ACOT7: variants seen among roughly 807,000 people sequenced by gnomAD.
The protein encoded by ACOT7 is acyl-CoA thioesterase 7, also known as cytosolic acyl coenzyme A thioester hydrolase.
ACOT7 carries 12 observed loss-of-function variants against 40.2 expected under a neutral mutation model. The ratio of observed to expected loss-of-function variants is 0.30; its 90% CI spans 0.19 to 0.48. ACOT7 has a LOEUF of 0.48. ACOT7 is among the 20% of genes least tolerant of loss of function. ACOT7 has a pLI of 0.99. For synonymous variants in ACOT7, 228 were observed against 219.5 expected (o/e 1.04, Z -0.34); for missense variants, 395 against 530.8 (o/e 0.74, Z 2.51).
chr1:6,324,860 C>T (rs926322879), intron 5 of ACOT7, among the ~76,000 whole-genome samples: 27 of 152,296 alleles, frequency 1.8e-4, no homozygotes, highest in African/African-American at 6.5e-4. Context: ...ATATAAGGTC[C>T]CATTCACAGG....
Position 6,324,294 on chromosome 1 carries a change from G to A in ACOT7, c.625+3005C>T, listed in dbSNP as rs749205596. ...ACTTCCTAAGAAATATTTAAAAGCCGAGTCTCTAATCCAATCATCTGAGGA... is the reference window on the plus strand; with the variant it reads ...ACTTCCTAAGAAATATTTAAAAGCCAAGTCTCTAATCCAATCATCTGAGGA... On this transcript the variant is annotated intron_variant, in intron 5 of 8. Coordinates refer to ENST00000361521, the MANE Select transcript of ACOT7 (RefSeq NM_007274.4). 1.5e-4 allele frequency among the ~76,000 whole-genome samples: 23 copies of A among 152,110 alleles called. 1 individual carries two copies. Among genetic ancestry groups the A allele is most frequent in the Non-Finnish European group, 3.1e-4 (21 of 68,038 alleles).
At chr1:6,277,402 T>C (rs1361785305) in intron 8 of ACOT7, among the ~76,000 whole-genome samples, 1 of 152,188 alleles carries the variant, frequency 6.6e-6, no homozygotes, top group Admixed American at 6.5e-5. Context: ...AGGGCTGCTA[T>C]TGGGAGATGC....
intron 1 of ACOT7, among the ~76,000 whole-genome samples, chr1:6,370,935 T>C (rs1642121961): frequency 6.6e-6 from 1 of 151,896 alleles, no homozygotes; most frequent in South Asian, 2.1e-4. Flanking sequence ...CTCAGCCTCC[T>C]GAGTAGCTGG....
At chr1:6,363,067 A>C (rs1443382926) in intron 1 of ACOT7, among the ~76,000 whole-genome samples, 1 of 152,190 alleles carries the variant, frequency 6.6e-6, no homozygotes, top group Non-Finnish European at 1.5e-5. Context: ...ATTAATCATT[A>C]ATTTGTAGCA....
In ACOT7 at chr1:6,393,658, G is replaced by GCAGCCGCGC. The variant is rs1642579986; in HGVS notation, c.-268_-260dup. 2 of 261,558 alleles carry GCAGCCGCGC rather than the reference G, an allele frequency of 7.6e-6. No individual in the cohort carries two copies. Among genetic ancestry groups the GCAGCCGCGC allele is most frequent in the Non-Finnish European group, 1.4e-5 (2 of 140,566 alleles). 16.2% of individuals were successfully genotyped at this position (261,558 alleles called of 1,614,324 possible). A position where few individuals can be genotyped will look rare whatever the true frequency, so the allele number is the denominator to read the frequency against. ...GTGCGGGGAAGGCCCGCTAGCCGCGGCAGCCGCGCCCGACCCGGTGGCAGC... is the reference window on the plus strand; with the variant it reads ...GTGCGGGGAAGGCCCGCTAGCCGCGGCAGCCGCGCCAGCCGCGCCCGACCCGGTGGCAGC... On this transcript the variant is annotated 5_prime_UTR_variant, in exon 1 of 9. Transcript: ENST00000361521.
At chr1:6,319,791 C>T (rs1640593180) in intron 5 of ACOT7, among the ~76,000 whole-genome samples, 1 of 152,262 alleles carries the variant, frequency 6.6e-6, no homozygotes, top group East Asian at 1.9e-4. Context: ...CTAGCCCCGG[C>T]TCCTGGGTTG....
At chr1:6,293,094 T>G (rs1159391576) in intron 7 of ACOT7, among the ~76,000 whole-genome samples, 1 of 152,076 alleles carries the variant, frequency 6.6e-6, no homozygotes, top group Non-Finnish European at 1.5e-5. Context: ...TTTCACCATG[T>G]TAACCAGGAT....
chr1:6,325,110 A>G (rs968007656), intron 5 of ACOT7, among the ~76,000 whole-genome samples: 1 of 152,236 alleles, frequency 6.6e-6, no homozygotes, highest in South Asian at 2.1e-4. Context: ...TTTTTAAAAG[A>G]TATCTCAGCC....
At chr1:6,331,993 G>T (rs941877570) in intron 4 of ACOT7, among the ~76,000 whole-genome samples, 1 of 152,206 alleles carries the variant, frequency 6.6e-6, no homozygotes, top group Non-Finnish European at 1.5e-5. Context: ...GGGGGGCCAC[G>T]GGAAGATGGA....
intron 6 of ACOT7, among the ~76,000 whole-genome samples, chr1:6,305,900 T>C (rs1426377347): frequency 0.01 from 1,569 of 152,124 alleles, 17 homozygotes; most frequent in African/African-American, 0.035. Flanking sequence ...CTGGGCACCA[T>C]TGAGCACTGA....
At chr1:6,364,155 C>T (rs983977369) in intron 1 of ACOT7, among the ~76,000 whole-genome samples, 1 of 150,742 alleles carries the variant, frequency 6.6e-6, no homozygotes, top group Non-Finnish European at 1.5e-5. Flanking sequence ...AATTCCAGGC[C>T]GGCCTGGGCA....
intron 1 of ACOT7, among the ~76,000 whole-genome samples, chr1:6,377,577 G>C (rs903243817): frequency 6.6e-6 from 1 of 152,092 alleles, no homozygotes; most frequent in Non-Finnish European, 1.5e-5. Context: ...GCTTTTATAA[G>C]GTACAAGACA....
At chr1:6,354,625 A>AGC (rs1641687802) in intron 1 of ACOT7, among the ~76,000 whole-genome samples, 1 of 136,602 alleles carries the variant, frequency 7.3e-6, no homozygotes, top group East Asian at 2.3e-4. Flanking sequence ...CTGGCCTCTC[A>AGC]CTCCCCATGG....
At position 6,365,660 on chromosome 1, in the gene ACOT7, C is replaced by T. The variant is rs547280482; in HGVS notation, c.144-15794G>A. 3.1e-4 allele frequency among the ~76,000 whole-genome samples: 46 copies of T among 150,716 alleles called. 1 individual carries two copies. The South Asian group carries it at 9.3e-3, about 30-fold the overall frequency. On this transcript the variant is annotated intron_variant, in intron 1 of 8. Coordinates refer to ENST00000361521, the MANE Select transcript of ACOT7 (RefSeq NM_007274.4). The stretch of plus-strand genomic sequence containing the variant: ...GTGGGCGCCTGTAGTCCCAGCTACT[C>T]GGGAGGCTGAGGCAGAAGAATGGCG...
intron 3 of ACOT7, 68 bp from the exon 4 acceptor site, chr1:6,333,636 G>A (rs556206377): frequency 8.6e-6 from 13 of 1,508,330 alleles, no homozygotes; most frequent in South Asian, 6.8e-5. Flanking sequence ...GTCCAGGCAC[G>A]TGGCAGGTGC....
intron 8 of ACOT7, among the ~76,000 whole-genome samples, chr1:6,272,779 C>G (rs1639072408): frequency 6.6e-6 from 1 of 152,256 alleles, no homozygotes; most frequent in African/African-American, 2.4e-5. Flanking sequence ...CACATGGGCC[C>G]AACAACCTTT....
Position 6,322,658 on chromosome 1 carries a change from T to C in ACOT7, c.626-4080A>G, listed in dbSNP as rs565706921. Among the ~76,000 whole-genome samples the C allele has an allele frequency of 3.9e-5, 6 of 152,316 alleles. No homozygotes were observed. In the South Asian group the frequency reaches 1.2e-3, roughly 32 times the overall value. On this transcript the variant is annotated intron_variant, in intron 5 of 8. Transcript: ENST00000361521. ...TCCTCTGTGTGTGTCTGTCCTAACC[T>C]CCTCTTCTTGTAAAGACACCAGCCC...
At chr1:6,293,136 G>A (rs775408600) in intron 7 of ACOT7, among the ~76,000 whole-genome samples, 37 of 152,048 alleles carry the variant, frequency 2.4e-4, no homozygotes, top group Non-Finnish European at 5.0e-4. Context: ...TGATCCGCCC[G>A]CCTCGGCCTC....
chr1:6,348,704 G>C (rs1331157293), intron 2 of ACOT7, among the ~76,000 whole-genome samples: 3 of 152,226 alleles, frequency 2.0e-5, no homozygotes, highest in Non-Finnish European at 4.4e-5. Context: ...CAGCCTCCAG[G>C]ACTGTGAGAA....
Sources: allele counts gnomAD v4.1 joint callset (sites outside exome capture counted in the v4.1 genomes callset), GRCh38; gene constraint gnomAD v4.1.1; transcripts MANE v1.5; gene names NCBI Gene and HGNC (gene_info 2026-07-23, HGNC 2026-07-21).